The following FIG4 variants were observed in gnomAD, a reference collection of about 807,000 sequenced individuals.
FIG4 encodes the protein FIG4 phosphoinositide 5-phosphatase.
In FIG4, 112 loss-of-function variants were observed where a neutral mutation model predicts 118.6. The observed-to-expected ratio is 0.94, with a 90% confidence interval of 0.81 to 1.11. FIG4 has a LOEUF of 1.11. Among genes scored for constraint, FIG4 ranks in the 50% least tolerant of loss-of-function variants. The pLI, the probability that FIG4 is intolerant of heterozygous loss-of-function variation, is 0.00. For synonymous variants in FIG4, 369 were observed against 381.2 expected, an observed-to-expected ratio of 0.97 and a Z score of 0.37; for missense variants, 969 against 1,111.7, an observed-to-expected ratio of 0.87 and a Z score of 1.83.
chr6:109,804,209 C>T (rs1778504591), intron 22 of FIG4, among the ~76,000 whole-genome samples: 2 of 152,188 alleles, frequency 1.3e-5, no homozygotes, highest in African/African-American at 4.8e-5. Flanking sequence ...GTTTTCCTTG[C>T]TCTGTATACA....
chr6:109,751,256 T>C (rs1397974716), intron 10 of FIG4, among the ~76,000 whole-genome samples: 1 of 152,222 alleles, frequency 6.6e-6, no homozygotes, highest in Non-Finnish European at 1.5e-5. Flanking sequence ...TATAAGTTAC[T>C]TCCCATATGC....
chr6:109,718,482 A>G (rs926671898), intron 3 of FIG4, among the ~76,000 whole-genome samples: 4 of 152,214 alleles, frequency 2.6e-5, no homozygotes, highest in African/African-American at 9.7e-5. Flanking sequence ...TATGTCTATG[A>G]AAACTTTGAT....
chr6:109,732,053 G>T (rs1294627506), intron 4 of FIG4, among the ~76,000 whole-genome samples: 2 of 152,192 alleles, frequency 1.3e-5, no homozygotes, highest in African/African-American at 4.8e-5. Context: ...TCAGTGACAG[G>T]AAAATGGTTG....
intron 4 of FIG4, among the ~76,000 whole-genome samples, chr6:109,727,466 CA>C (rs1770559550): frequency 6.6e-6 from 1 of 152,006 alleles, no homozygotes; most frequent in South Asian, 2.1e-4. Flanking sequence ...GTAAAAAGAT[CA>C]AATGTTGGCT....
chr6:109,715,029 A>G (rs757642846), intron 1 of FIG4, 49 bp from the exon 2 acceptor site: 1 of 1,043,814 alleles, frequency 9.6e-7, no homozygotes, highest in African/African-American at 1.6e-5. Context: ...TAAAATGTGT[A>G]TAGGGCAAAA....
chr6:109,762,106 T>A lies in FIG4; in HGVS notation c.1287T>A (p.Val429=), dbSNP rs1360708843. ...AKYTKSKLCN[V]LDRLNVIAES... ...CTCTCCTCAGCAAGCTGTGTAATGTTCTTGATCGACTAAATGTGATTGCAG... is the reference window on the plus strand; with the variant it reads ...CTCTCCTCAGCAAGCTGTGTAATGTACTTGATCGACTAAATGTGATTGCAG... Residue 429 remains valine (V), a synonymous_variant, in exon 12 of 23, where the codon GTT becomes GTA. Transcript: ENST00000230124. The A allele has an allele frequency of 1.9e-6, 3 of 1,610,678 alleles. No homozygotes were observed. In the African/African-American group the frequency reaches 4.0e-5, roughly 22 times the overall value.
chr6:109,709,432 G>T (rs908016534), intron 1 of FIG4, among the ~76,000 whole-genome samples: 7 of 152,052 alleles, frequency 4.6e-5, no homozygotes, highest in African/African-American at 1.4e-4. Flanking sequence ...TGAGGATTGT[G>T]TTGGCTATTT....
chr6:109,717,758 G>A (rs1222477282), intron 3 of FIG4, among the ~76,000 whole-genome samples: 1 of 152,196 alleles, frequency 6.6e-6, no homozygotes, highest in Admixed American at 6.5e-5. Context: ...GAGGTGCTGG[G>A]AATGCTGGGG....
chr6:109,692,563 A>G (rs1217142047), intron 1 of FIG4, among the ~76,000 whole-genome samples: 1 of 152,250 alleles, frequency 6.6e-6, no homozygotes, highest in African/African-American at 2.4e-5. Flanking sequence ...AAATGACATT[A>G]TCAAATATAC....
At chr6:109,725,162 A>C (rs890508022) in intron 3 of FIG4, among the ~76,000 whole-genome samples, 4 of 152,100 alleles carry the variant, frequency 2.6e-5, no homozygotes, top group Non-Finnish European at 5.9e-5. Context: ...GTATACACAC[A>C]TGCTGTGGTG....
chr6:109,730,126 G>A (rs1427448691), intron 4 of FIG4, among the ~76,000 whole-genome samples: 12 of 151,846 alleles, frequency 7.9e-5, no homozygotes, highest in Admixed American at 7.9e-4. Context: ...TTGGCTCACT[G>A]CAGCTTTGAA....
intron 15 of FIG4, among the ~76,000 whole-genome samples, chr6:109,772,437 T>C (rs1424425952): frequency 6.6e-6 from 1 of 152,142 alleles, no homozygotes; most frequent in African/African-American, 2.4e-5. Flanking sequence ...GCATCTCTGC[T>C]GGGATATTGA....
chr6:109,790,180 T>C (rs534976669), intron 19 of FIG4, among the ~76,000 whole-genome samples: 1 of 152,260 alleles, frequency 6.6e-6, no homozygotes, highest in South Asian at 2.1e-4. Flanking sequence ...TTTCCTGGCA[T>C]GAGAACCTCT....
intron 15 of FIG4, among the ~76,000 whole-genome samples, chr6:109,769,401 A>G (rs1777389671): frequency 6.6e-6 from 1 of 152,204 alleles, no homozygotes; most frequent in South Asian, 2.1e-4. Flanking sequence ...CTACCGTGAA[A>G]GGAATGATTT....
At position 109,814,980 on chromosome 6, in the gene FIG4, G is replaced by A. The variant is rs150679549; in HGVS notation, c.2547-10108G>A. Among the ~76,000 whole-genome samples, 412 of 152,022 alleles carry A rather than the reference G, an allele frequency of 2.7e-3. 2 individuals carry two copies. Among genetic ancestry groups the A allele is most frequent in the Middle Eastern group, 6.9e-3 (2 of 290 alleles). On this transcript the variant is annotated intron_variant, in intron 22 of 22. Coordinates refer to ENST00000230124, the MANE Select transcript of FIG4 (RefSeq NM_014845.6). ...CATGTACATATATGTGTAAATGTAT[G>A]TATAAGTATATACATGCATATCTAT...
In FIG4 at chr6:109,825,223, C is replaced by G. The variant is rs761245752; in HGVS notation, c.2682C>G (p.Asp894Glu). 1 of 1,614,128 alleles carries G rather than the reference C, an allele frequency of 6.2e-7. No individual in the cohort carries two copies. Among genetic ancestry groups the G allele is most frequent in the East Asian group, 2.2e-5 (1 of 44,868 alleles). The change falls in exon 23 of 23, where the codon GAC (aspartate) becomes GAG (glutamate). Residue 894 changes from aspartate to glutamate, a missense_variant. Coordinates refer to ENST00000230124, the MANE Select transcript of FIG4 (RefSeq NM_014845.6). ...TCATGCAGCCCCTAGGAAAAGAGGA[C>G]TCCTCCATGTACCGAGAGTACATCA... ...QGIMQPLGKE[D>E]SSMYREYIRN...
In FIG4 at chr6:109,732,694, G is replaced by A. The variant is rs140111950; in HGVS notation, c.497+7G>A. 4.2e-5 allele frequency: 65 copies of A among 1,532,346 alleles called. No homozygotes were observed. In the East Asian group the frequency reaches 1.4e-3, roughly 33 times the overall value. 94.9% of individuals were successfully genotyped at this position (1,532,346 alleles called of 1,614,324 possible). On this transcript the variant is annotated splice_region_variant and intron_variant, in intron 5 of 22. Coordinates refer to ENST00000230124, the MANE Select transcript of FIG4 (RefSeq NM_014845.6). ...CTAGCAATTTTTACTTTAGGTAAGT[G>A]TGAGGTTAGTTTTGCTCCTATCAAT...
intron 1 of FIG4, among the ~76,000 whole-genome samples, chr6:109,695,561 C>A (rs956144268): frequency 2.0e-5 from 3 of 149,074 alleles, no homozygotes; most frequent in African/African-American, 7.5e-5. Context: ...AGAAAGTCAA[C>A]GAGCAAAATG....
intron 15 of FIG4, among the ~76,000 whole-genome samples, chr6:109,773,137 A>T (rs1421044961): frequency 2.0e-5 from 3 of 152,080 alleles, no homozygotes; most frequent in Non-Finnish European, 4.4e-5. Flanking sequence ...AGTGCACCAA[A>T]TACATCTTGT....
Sources: gnomAD v4.1 joint callset for allele counts (sites outside exome capture counted in the v4.1 genomes callset) on GRCh38, gnomAD v4.1.1 for gene constraint, MANE v1.5 for transcripts, NCBI Gene and HGNC (gene_info 2026-07-23, HGNC 2026-07-21) for gene names.